ATRNL1: variants seen among roughly 807,000 people sequenced by gnomAD.
ATRNL1 encodes the protein attractin-like protein 1.
A neutral mutation model predicts 182.7 loss-of-function variants in ATRNL1; 95 were observed. That is an observed-to-expected ratio of 0.52 (90% CI 0.44 to 0.62). ATRNL1 has a LOEUF of 0.62. Ranked by LOEUF, ATRNL1 falls within the 20% of genes least tolerant of loss-of-function variation. The pLI, the probability that ATRNL1 is intolerant of heterozygous loss-of-function variation, is 0.00. For synonymous variants in ATRNL1, 576 were observed against 568.3 expected (o/e 1.01, Z -0.19); for missense variants, 1,471 against 1,679.5 (o/e 0.88, Z 2.17).
chr10:115,532,977 G>T (rs1219526960), intron 25 of ATRNL1, among the ~76,000 whole-genome samples: 1 of 151,532 alleles, frequency 6.6e-6, no homozygotes, highest in Admixed American at 6.6e-5. Flanking sequence ...CTTGATCATG[G>T]TGGATAAGCT....
chr10:115,672,747 AT>A (rs1388609498), intron 26 of ATRNL1, among the ~76,000 whole-genome samples: 2 of 152,184 alleles, frequency 1.3e-5, no homozygotes, highest in Non-Finnish European at 2.9e-5. Context: ...ACATTGGCCA[AT>A]TTTTGTCTTT....
chr10:115,619,206 T>C (rs1213562661), intron 26 of ATRNL1, among the ~76,000 whole-genome samples: 2 of 152,174 alleles, frequency 1.3e-5, no homozygotes, highest in Non-Finnish European at 2.9e-5. Context: ...TCTGGGGTCA[T>C]GTGTAAGTGC....
intron 27 of ATRNL1, among the ~76,000 whole-genome samples, chr10:115,799,527 C>A (rs1949741548): frequency 1.3e-5 from 2 of 152,136 alleles, no homozygotes; most frequent in Non-Finnish European, 2.9e-5. Context: ...AAAACATTCA[C>A]CAATTAACGA....
At chr10:115,551,994 C>T (rs1256134852) in intron 26 of ATRNL1, among the ~76,000 whole-genome samples, 1 of 151,284 alleles carries the variant, frequency 6.6e-6, no homozygotes, top group Non-Finnish European at 1.5e-5. Flanking sequence ...TGTGGTTAAT[C>T]TCTTGCTGTA....
chr10:115,541,120 C>T (rs912170768), intron 25 of ATRNL1, among the ~76,000 whole-genome samples: 12 of 152,212 alleles, frequency 7.9e-5, no homozygotes, highest in East Asian at 5.8e-4. Flanking sequence ...AGCATTATGA[C>T]GAGTCAAGTC....
chr10:115,604,797 T>C (rs2255845), intron 26 of ATRNL1, among the ~76,000 whole-genome samples: 148,120 of 152,246 alleles, frequency 0.97, 72,211 homozygotes, highest in East Asian at 1. Flanking sequence ...TTCATAGATT[T>C]TCTCCACTTT....
chr10:115,104,676 G>T (rs907196297), intron 1 of ATRNL1, among the ~76,000 whole-genome samples: 12 of 152,056 alleles, frequency 7.9e-5, no homozygotes, highest in Non-Finnish European at 4.4e-5. Flanking sequence ...ATAGTTTGAG[G>T]TCTTAGATTT....
In ATRNL1 at chr10:115,509,043, A is replaced by C. The variant is rs72822680; in HGVS notation, c.3655-10220A>C. Among the ~76,000 whole-genome samples, 482 of 152,144 alleles carry C rather than the reference A, an allele frequency of 3.2e-3. 2 individuals are homozygous for C. Among genetic ancestry groups the C allele is most frequent in the Non-Finnish European group, 4.0e-3 (270 of 67,960 alleles). On this transcript the variant is annotated intron_variant, in intron 24 of 28. Transcript: ENST00000355044. ...GAGCCTTGGTAATGAGCCAGTGCTC[A>C]TTTACCCTTCTGAAAATCCTACGGT... is the stretch of plus-strand genomic sequence containing the variant.
intron 27 of ATRNL1, among the ~76,000 whole-genome samples, chr10:115,784,028 A>G (rs975269956): frequency 1.2e-4 from 19 of 152,164 alleles, no homozygotes; most frequent in African/African-American, 3.9e-4. Flanking sequence ...AACAACAACA[A>G]CAACAAAAAT....
At chr10:115,428,497 T>C (rs1846005900) in intron 21 of ATRNL1, among the ~76,000 whole-genome samples, 1 of 152,100 alleles carries the variant, frequency 6.6e-6, no homozygotes, top group Non-Finnish European at 1.5e-5. Context: ...TTCAGTCTTT[T>C]ATCATTAAAT....
chr10:115,194,796 G>T (rs1444449401), intron 8 of ATRNL1, among the ~76,000 whole-genome samples: 2 of 151,072 alleles, frequency 1.3e-5, no homozygotes, highest in African/African-American at 2.4e-5. Context: ...GTATAAAAGT[G>T]ATTTTTTTTT....
At chr10:115,349,179 T>G (rs1554940565) in intron 19 of ATRNL1, among the ~76,000 whole-genome samples, 2 of 152,208 alleles carry the variant, frequency 1.3e-5, no homozygotes, top group Non-Finnish European at 2.9e-5. Flanking sequence ...ATCAATTGTT[T>G]TAGCTCCCAC....
intron 26 of ATRNL1, among the ~76,000 whole-genome samples, chr10:115,703,087 G>C (rs1555052047): frequency 6.6e-6 from 1 of 151,948 alleles, no homozygotes; most frequent in Non-Finnish European, 1.5e-5. Flanking sequence ...ACAAGATAGA[G>C]ATCGCAGAAG....
chr10:115,167,008 T>C (rs982461061), intron 7 of ATRNL1, among the ~76,000 whole-genome samples: 1 of 152,044 alleles, frequency 6.6e-6, no homozygotes, highest in Non-Finnish European at 1.5e-5. Flanking sequence ...TCCTCTATAT[T>C]TTCTCATAAG....
intron 3 of ATRNL1, among the ~76,000 whole-genome samples, chr10:115,127,145 T>G (rs1845008586): frequency 2.0e-5 from 3 of 152,208 alleles, no homozygotes; most frequent in Admixed American, 2.0e-4. Flanking sequence ...AGAATGTAAT[T>G]GTAATTGCTT....
chr10:115,602,362 A>G (rs1452347522), intron 26 of ATRNL1, among the ~76,000 whole-genome samples: 1 of 152,170 alleles, frequency 6.6e-6, no homozygotes, highest in Non-Finnish European at 1.5e-5. Context: ...TCAAATAAGT[A>G]AATAAAGTAA....
At chr10:115,890,844 G>A (rs1952062910) in intron 28 of ATRNL1, among the ~76,000 whole-genome samples, 1 of 152,176 alleles carries the variant, frequency 6.6e-6, no homozygotes, top group African/African-American at 2.4e-5. Flanking sequence ...TGCCAAATTA[G>A]TGTTGAGGGA....
At chr10:115,764,494 C>T (rs1555074448) in intron 27 of ATRNL1, among the ~76,000 whole-genome samples, 2 of 152,134 alleles carry the variant, frequency 1.3e-5, no homozygotes, top group Non-Finnish European at 2.9e-5. Flanking sequence ...CTCCCACCAA[C>T]CCCTGGCAAA....
At chr10:115,171,649 C>T (rs1490942285) in intron 8 of ATRNL1, among the ~76,000 whole-genome samples, 1 of 151,896 alleles carries the variant, frequency 6.6e-6, no homozygotes, top group Non-Finnish European at 1.5e-5. Flanking sequence ...TGCATGGTTT[C>T]AGGATTTTTT....
Sources: gnomAD v4.1 joint callset for allele counts (sites outside exome capture counted in the v4.1 genomes callset) on GRCh38, gnomAD v4.1.1 for gene constraint, MANE v1.5 for transcripts, NCBI Gene and HGNC (gene_info 2026-07-23, HGNC 2026-07-21) for gene names.